LRGUK: variants seen among roughly 807,000 people sequenced by gnomAD.
LRGUK encodes the protein leucine rich repeats and guanylate kinase domain containing.
In LRGUK, 65 loss-of-function variants were observed where a neutral mutation model predicts 76.0. That is an observed-to-expected ratio of 0.85 (90% CI 0.70 to 1.05). LRGUK has a LOEUF of 1.05. Among genes scored for constraint, LRGUK ranks in the 50% least tolerant of loss-of-function variants. The pLI, the probability that LRGUK is intolerant of heterozygous loss-of-function variation, is 0.00. For synonymous variants in LRGUK, 268 were observed against 265.6 expected (o/e 1.01, Z -0.09); for missense variants, 758 against 732.8 (o/e 1.03, Z -0.40).
intron 1 of LRGUK, among the ~76,000 whole-genome samples, chr7:134,133,942 G>A (rs1797420251): frequency 6.6e-6 from 1 of 151,944 alleles, no homozygotes; most frequent in African/African-American, 2.4e-5. Context: ...CATGCCTGTA[G>A]ACCCAGCTAT....
chr7:134,202,022 A>G (rs1789118091), intron 15 of LRGUK, among the ~76,000 whole-genome samples: 1 of 152,196 alleles, frequency 6.6e-6, no homozygotes, highest in South Asian at 2.1e-4. Context: ...AGCCCTAGTC[A>G]TAGGATCAAT....
At chr7:134,135,935 C>T (rs999827110) in intron 1 of LRGUK, among the ~76,000 whole-genome samples, 4 of 152,196 alleles carry the variant, frequency 2.6e-5, no homozygotes, top group East Asian at 1.9e-4. Context: ...GGATTACAGG[C>T]GTGAGCCACC....
intron 6 of LRGUK, among the ~76,000 whole-genome samples, chr7:134,162,826 CA>C (rs11445116): frequency 0.017 from 1,058 of 61,098 alleles, 4 homozygotes; most frequent in African/African-American, 0.024. Flanking sequence ...GACTCCTTCT[CA>C]AAAAAAAAAA....
At chr7:134,131,979 G>T (rs1336832460) in intron 1 of LRGUK, among the ~76,000 whole-genome samples, 1 of 152,094 alleles carries the variant, frequency 6.6e-6, no homozygotes, top group African/African-American at 2.4e-5. Flanking sequence ...AAGAAGCAGG[G>T]AAGAAAACTG....
At chr7:134,168,968 G>T (rs73439454) in intron 7 of LRGUK, among the ~76,000 whole-genome samples, 21,171 of 151,938 alleles carry the variant, frequency 0.14, 1,902 homozygotes, top group East Asian at 0.32. Context: ...GGGTGGAATT[G>T]TGTGCCCCTC....
At chr7:134,168,526 T>C (rs946457571) in intron 7 of LRGUK, among the ~76,000 whole-genome samples, 2 of 152,114 alleles carry the variant, frequency 1.3e-5, no homozygotes, top group African/African-American at 4.8e-5. Flanking sequence ...GGCTTGAGTG[T>C]CTTCCTACAG....
intron 1 of LRGUK, among the ~76,000 whole-genome samples, chr7:134,136,710 G>T (rs1797553636): frequency 6.6e-6 from 1 of 152,142 alleles, no homozygotes; most frequent in African/African-American, 2.4e-5. Flanking sequence ...CTGGAATAGA[G>T]AACCCCTCAA....
chr7:134,174,601 C>T, exon 8 of LRGUK: 2 of 1,608,032 alleles, frequency 1.2e-6, no homozygotes, highest in Non-Finnish European at 1.7e-6. Flanking sequence ...TTTACCCATC[C>T]TTCGAGTTCT....
At chr7:134,146,944 A>G (rs1213871172) in intron 4 of LRGUK, among the ~76,000 whole-genome samples, 1 of 115,964 alleles carries the variant, frequency 8.6e-6, no homozygotes, top group African/African-American at 3.5e-5. Flanking sequence ...TTCTTTCCTT[A>G]AAAAAACTTT....
intron 11 of LRGUK, among the ~76,000 whole-genome samples, chr7:134,185,298 C>T (rs1390415611): frequency 1.3e-5 from 2 of 152,070 alleles, no homozygotes; most frequent in African/African-American, 4.8e-5. Flanking sequence ...TAGTGGCTCA[C>T]GCTTCTAATC....
At chr7:134,151,688 A>T (rs969547079) in intron 5 of LRGUK, among the ~76,000 whole-genome samples, 1 of 152,122 alleles carries the variant, frequency 6.6e-6, no homozygotes, top group Non-Finnish European at 1.5e-5. Flanking sequence ...ATGTATTACC[A>T]CCAAATTGGG....
chr7:134,231,450 CCCTT>C (rs879389504), intron 16 of LRGUK, among the ~76,000 whole-genome samples: 4 of 143,704 alleles, frequency 2.8e-5, no homozygotes, highest in Admixed American at 2.1e-4. Flanking sequence ...TTTCCTTTCT[CCCTT>C]CCTTTCTTCC....
intron 16 of LRGUK, among the ~76,000 whole-genome samples, chr7:134,235,589 T>G (rs1801994698): frequency 6.6e-6 from 1 of 152,234 alleles, no homozygotes; most frequent in Non-Finnish European, 1.5e-5. Flanking sequence ...ATTAGGCTAT[T>G]TGCTTATCTA....
downstream of LRGUK, among the ~76,000 whole-genome samples, chr7:134,266,137 A>G (rs1337703748): frequency 8.5e-5 from 13 of 152,182 alleles, no homozygotes; most frequent in Admixed American, 7.9e-4. Flanking sequence ...CCCCACTGGT[A>G]TGGTGTCAGA....
chr7:134,211,947 C>G (rs1372726746), downstream of LRGUK, among the ~76,000 whole-genome samples: 1 of 152,184 alleles, frequency 6.6e-6, no homozygotes, highest in Non-Finnish European at 1.5e-5. Flanking sequence ...CTCCTGGACT[C>G]TGGTCTAGGA....
chr7:134,169,174 AC>A (rs1799135973), intron 7 of LRGUK, among the ~76,000 whole-genome samples: 1 of 85,216 alleles, frequency 1.2e-5, no homozygotes, highest in African/African-American at 5.0e-5. Flanking sequence ...ACACACACAC[AC>A]ACACACACAC....
At chr7:134,145,666 C>T (rs1427849533) in intron 4 of LRGUK, among the ~76,000 whole-genome samples, 1 of 152,106 alleles carries the variant, frequency 6.6e-6, no homozygotes, top group African/African-American at 2.4e-5. Flanking sequence ...TGGGAGGCAG[C>T]GGAACTGGGA....
intron 8 of LRGUK, among the ~76,000 whole-genome samples, chr7:134,176,347 G>A (rs924976124): frequency 1.1e-4 from 16 of 152,112 alleles, no homozygotes; most frequent in African/African-American, 3.6e-4. Flanking sequence ...TAAGAAACCT[G>A]CACGTCCTGC....
rs188093026 is a variant in LRGUK at position 134,253,850 on chromosome 7, C to T, written c.2199-4407C>T. Among the ~76,000 whole-genome samples, 96 of 152,154 alleles carry T rather than the reference C, an allele frequency of 6.3e-4. 1 individual carries two copies. Among genetic ancestry groups the T allele is most frequent in the African/African-American group, 2.2e-3 (91 of 41,488 alleles). ...TAATTTTAACTATATAGAGACAGCA[C>T]GTTGATTAAAATGTTAATGATAAAT... On this transcript the variant is annotated intron_variant, in intron 18 of 19. Transcript: ENST00000285928.
Sources: gnomAD v4.1 joint callset for allele counts (sites outside exome capture counted in the v4.1 genomes callset) on GRCh38, gnomAD v4.1.1 for gene constraint, MANE v1.5 for transcripts, NCBI Gene and HGNC (gene_info 2026-07-23, HGNC 2026-07-21) for gene names.